Variants in EPB41L3 observed in about 807,000 individuals in gnomAD.
The protein encoded by EPB41L3 is band 4.1-like protein 3.
A neutral mutation model predicts 127.1 loss-of-function variants in EPB41L3; 57 were observed. The ratio of observed to expected loss-of-function variants is 0.45; its 90% confidence interval spans 0.36 to 0.56. EPB41L3 has a LOEUF of 0.56. EPB41L3 is among the 20% of genes least tolerant of loss of function. EPB41L3 has a pLI of 0.00. For synonymous variants in EPB41L3, 572 were observed against 549.5 expected, an observed-to-expected ratio of 1.04 and a Z score of -0.57; for missense variants, 1,273 against 1,372.2, an observed-to-expected ratio of 0.93 and a Z score of 1.14.
At chr18:5,574,446 T>C (rs2094317143) in intron 3 of EPB41L3, among the ~76,000 whole-genome samples, 1 of 151,676 alleles carries the variant, frequency 6.6e-6, no homozygotes, top group Non-Finnish European at 1.5e-5. Flanking sequence ...TTTATTTATT[T>C]ATTTATTATT....
At chr18:5,548,188 A>T (rs138079526), upstream of EPB41L3, among the ~76,000 whole-genome samples, 24 of 152,358 alleles carry the variant, frequency 1.6e-4, no homozygotes, top group African/African-American at 3.6e-4. Flanking sequence ...GTTACTGGGG[A>T]CCATAAATAA....
At chr18:5,581,817 C>T (rs188446321) in intron 3 of EPB41L3, among the ~76,000 whole-genome samples, 64 of 152,064 alleles carry the variant, frequency 4.2e-4, no homozygotes, top group South Asian at 4.2e-3. Flanking sequence ...GGCAACATAG[C>T]GAGACTCTAT....
At chr18:5,553,361 G>A (rs1274092578) in intron 3 of EPB41L3, among the ~76,000 whole-genome samples, 1 of 152,140 alleles carries the variant, frequency 6.6e-6, no homozygotes, top group Non-Finnish European at 1.5e-5. Context: ...TGAGGCAAAT[G>A]AGAGGTTGAG....
intron 3 of EPB41L3, among the ~76,000 whole-genome samples, chr18:5,590,481 T>C (rs537432011): frequency 5.3e-5 from 8 of 152,166 alleles, no homozygotes; most frequent in Admixed American, 1.3e-4. Context: ...CTTTGCAAAT[T>C]TGGCAGTTTC....
chr18:5,521,508 A>G (rs1279634415), intron 1 of EPB41L3: 1 of 152,248 alleles, frequency 6.6e-6, no homozygotes, highest in African/African-American at 2.4e-5. Context: ...ATGGCTGGCT[A>G]AACAGTGAGG....
upstream of EPB41L3, among the ~76,000 whole-genome samples, chr18:5,545,728 G>A (rs910980279): frequency 6.6e-6 from 1 of 152,190 alleles, no homozygotes; most frequent in African/African-American, 2.4e-5. Context: ...GAGGTAATGA[G>A]GGCCTGAATT....
intron 1 of EPB41L3, among the ~76,000 whole-genome samples, chr18:5,542,057 C>G (rs948262497): frequency 6.6e-6 from 1 of 152,214 alleles, no homozygotes; most frequent in Non-Finnish European, 1.5e-5. Flanking sequence ...ATTGAAGTCA[C>G]GCTTCTCCAA....
At chr18:5,471,909 C>T (rs1383899652) in intron 3 of EPB41L3, among the ~76,000 whole-genome samples, 1 of 152,130 alleles carries the variant, frequency 6.6e-6, no homozygotes, top group Non-Finnish European at 1.5e-5. Context: ...AAAAGAATGC[C>T]TTAGTGGATT....
chr18:5,600,379 A>C (rs1295361913), intron 3 of EPB41L3, among the ~76,000 whole-genome samples: 2 of 152,180 alleles, frequency 1.3e-5, no homozygotes, highest in African/African-American at 2.4e-5. Flanking sequence ...TAAAAATAAG[A>C]ATCTGTGGAG....
Position 5,441,042 on chromosome 18 carries a change from G to A in EPB41L3, c.529+2796C>T, listed in dbSNP as rs1041346202. 5.9e-5 allele frequency among the ~76,000 whole-genome samples: 9 copies of A among 152,164 alleles called. No homozygotes were observed. In the South Asian group the frequency reaches 6.2e-4, roughly 11 times the overall value. On this transcript the variant is annotated intron_variant, in intron 5 of 22. Transcript: ENST00000341928. ...ACTAACTACAGGCATGTGTCTCTGC[G>A]CTCAGCTAATTAAAACAATTTTTTA...
intron 12 of EPB41L3, among the ~76,000 whole-genome samples, chr18:5,416,613 A>T (rs1408502250): frequency 1.3e-5 from 2 of 152,194 alleles, no homozygotes; most frequent in African/African-American, 4.8e-5. Context: ...TTCTTTAAAA[A>T]CTCAGAACAG....
intron 3 of EPB41L3, among the ~76,000 whole-genome samples, chr18:5,459,185 C>A (rs1273713349): frequency 6.6e-6 from 1 of 152,098 alleles, no homozygotes; most frequent in Non-Finnish European, 1.5e-5. Flanking sequence ...TTAGTCCCAA[C>A]GACTCAAGCG....
Position 5,602,521 on chromosome 18 carries a change from C to T in EPB41L3, c.-306+9819G>A, listed in dbSNP as rs186088683. ...CAGGCTGGTATGCATCATAGCTCAC[C>T]GTAGCCTCAAACTCCTGGGCTCAAG... On this transcript the variant is annotated intron_variant, in intron 3 of 21. Transcript: ENST00000545076. Among the ~76,000 whole-genome samples the T allele has an allele frequency of 7.9e-5, 12 of 152,268 alleles. No individual in the cohort carries two copies. The East Asian group carries it at 1.4e-3, about 17-fold the overall frequency.
intron 3 of EPB41L3, chr18:5,610,317 A>G (rs922477869): frequency 1.0e-6 from 1 of 984,988 alleles, no homozygotes; most frequent in African/African-American, 1.7e-5. Context: ...CACGAGAATG[A>G]CACTTCCCTC....
intron 3 of EPB41L3, among the ~76,000 whole-genome samples, chr18:5,587,304 GT>G (rs1216626568): frequency 6.6e-6 from 1 of 152,018 alleles, no homozygotes; most frequent in Non-Finnish European, 1.5e-5. Flanking sequence ...TTGCACGTTA[GT>G]TTTGCACAGT....
chr18:5,490,378 A>G (rs2090439838), intron 1 of EPB41L3, among the ~76,000 whole-genome samples: 2 of 152,222 alleles, frequency 1.3e-5, no homozygotes, highest in African/African-American at 4.8e-5. Context: ...GCAAAAATAA[A>G]ACTAGTAACT....
chr18:5,606,918 CTCTCTCTCTCTCTCCG>C (rs1221737746), intron 3 of EPB41L3, among the ~76,000 whole-genome samples: 9 of 150,774 alleles, frequency 6.0e-5, no homozygotes, highest in African/African-American at 2.2e-4. Context: ...CTCTCTCTGT[CTCTCTCTCTCTCTCCG>C]TCTCTCTCTC....
intron 1 of EPB41L3, among the ~76,000 whole-genome samples, chr18:5,510,303 C>A (rs1373264763): frequency 6.6e-6 from 1 of 152,080 alleles, no homozygotes; most frequent in Non-Finnish European, 1.5e-5. Flanking sequence ...TCCCTAAGGA[C>A]CCTGGTATAG....
At chr18:5,458,260 G>C (rs1173089557) in intron 3 of EPB41L3, among the ~76,000 whole-genome samples, 1 of 152,068 alleles carries the variant, frequency 6.6e-6, no homozygotes, top group Non-Finnish European at 1.5e-5. Flanking sequence ...TGAAAAACCT[G>C]TTTTTTAATG....
Sources: gnomAD v4.1 joint callset for allele counts (sites outside exome capture counted in the v4.1 genomes callset) on GRCh38, gnomAD v4.1.1 for gene constraint, MANE v1.5 for transcripts, NCBI Gene and HGNC (gene_info 2026-07-23, HGNC 2026-07-21) for gene names.